The following ADAM17 variants were observed in gnomAD, a reference collection of about 807,000 sequenced individuals.
The protein encoded by ADAM17 is disintegrin and metalloproteinase domain-containing protein 17.
Under a neutral mutation model 96.7 loss-of-function variants are expected in ADAM17, and 39 were observed. The observed-to-expected ratio is 0.40, with a 90% CI of 0.31 to 0.53. The LOEUF (loss-of-function observed/expected upper bound fraction) is 0.53. Among genes scored for constraint, ADAM17 ranks in the 20% least tolerant of loss-of-function variants. ADAM17 has a pLI of 0.44. For missense variants in ADAM17, 777 were observed against 1,013.2 expected (o/e 0.77, Z 3.17); for synonymous variants, 344 against 359.2 (o/e 0.96, Z 0.48).
rs111674537 is a variant in ADAM17, at chr2:9,552,954, T to C, written c.97+2555A>G. 2.1e-3 allele frequency among the ~76,000 whole-genome samples: 318 copies of C among 152,184 alleles called. 2 individuals are homozygous for C. Among genetic ancestry groups the C allele is most frequent in the African/African-American group, 7.1e-3 (294 of 41,542 alleles). ...AGTAGTATTTGTAGGACAATAAACA[T>C]AAAAAATAAATAATAAAGCATGTTT... is the stretch of plus-strand genomic sequence containing the variant. On this transcript the variant is annotated intron_variant, in intron 1 of 18. Coordinates refer to ENST00000310823, the MANE Select transcript of ADAM17 (RefSeq NM_003183.6).
chr2:9,539,707 T>C (rs1194161254), intron 2 of ADAM17, among the ~76,000 whole-genome samples: 1 of 152,238 alleles, frequency 6.6e-6, no homozygotes, highest in Non-Finnish European at 1.5e-5. Context: ...TCTTTGTTTT[T>C]GTTCTTGTTT....
chr2:9,508,938 G>T (rs1237990776), intron 11 of ADAM17, among the ~76,000 whole-genome samples: 1 of 151,974 alleles, frequency 6.6e-6, no homozygotes, highest in Non-Finnish European at 1.5e-5. Flanking sequence ...CAGAGGAACT[G>T]TTTACACATA....
Position 9,548,334 on chromosome 2 carries a change from C to T in ADAM17, c.98-5049G>A, listed in dbSNP as rs541481344. Among the ~76,000 whole-genome samples, 13 of 151,898 alleles carry T rather than the reference C, an allele frequency of 8.6e-5. 1 individual carries two copies. The highest frequency in any genetic ancestry group is 6.3e-4 in the South Asian group (3 of 4,800). On this transcript the variant is annotated intron_variant, in intron 1 of 18. Transcript: ENST00000310823. ...GTGACAGAGTGAGACTCCATCCCCCCCAAAAAAGAAAGAAATTTCATTATG... is the reference window on the plus strand; with the variant it reads ...GTGACAGAGTGAGACTCCATCCCCCTCAAAAAAGAAAGAAATTTCATTATG...
chr2:9,493,342 C>CA (rs967412393), intron 16 of ADAM17, among the ~76,000 whole-genome samples: 10 of 152,200 alleles, frequency 6.6e-5, no homozygotes, highest in African/African-American at 2.2e-4. Flanking sequence ...GGACTCGTGA[C>CA]AACATGATAT....
At chr2:9,514,568 T>TAA (rs1438303218) in intron 10 of ADAM17, among the ~76,000 whole-genome samples, 55 of 100,550 alleles carry the variant, frequency 5.5e-4, no homozygotes, top group Non-Finnish European at 9.1e-4. Flanking sequence ...TATATATATA[T>TAA]AAATAAAAAG....
intron 18 of ADAM17, 47 bp from the exon 19 acceptor site, chr2:9,490,565 C>T (rs757617504): frequency 2.5e-5 from 39 of 1,532,968 alleles, no homozygotes; most frequent in African/African-American, 4.1e-5. Context: ...AAAGATGAAT[C>T]GGAGGTCCTC....
At chr2:9,513,360 C>G (rs1340063212) in intron 10 of ADAM17, among the ~76,000 whole-genome samples, 2 of 152,186 alleles carry the variant, frequency 1.3e-5, no homozygotes, top group Non-Finnish European at 2.9e-5. Flanking sequence ...TCCCTGAGTT[C>G]TGTGAGCCAC....
rs570109532 is a variant in ADAM17 at position 9,501,045 on chromosome 2, A to G, written c.1648+1128T>C. On this transcript the variant is annotated intron_variant, in intron 13 of 18. Coordinates refer to ENST00000310823, the MANE Select transcript of ADAM17 (RefSeq NM_003183.6). ...TACGTTAAAGATTTCTGTTCTGAGA[A>G]TGGCAACAGATAGGAGACGTATGCC... Among the ~76,000 whole-genome samples the G allele has an allele frequency of 2.8e-5, 4 of 144,368 alleles. No individual in the cohort carries two copies. The South Asian group carries it at 6.6e-4, about 24-fold the overall frequency. 94.7% of individuals were successfully genotyped at this position (144,368 alleles called of 152,430 possible).
chr2:9,544,684 G>C (rs1221628144), intron 1 of ADAM17, among the ~76,000 whole-genome samples: 3 of 152,088 alleles, frequency 2.0e-5, no homozygotes, highest in African/African-American at 4.8e-5. Context: ...AAATTAGCCA[G>C]GCGTGGTGGC....
chr2:9,510,138 G>A lies in ADAM17; in HGVS notation c.1192-7C>T, dbSNP rs1572913796. On this transcript the variant is annotated splice_region_variant and splice_polypyrimidine_tract_variant and intron_variant, in intron 10 of 18. Coordinates refer to ENST00000310823, the MANE Select transcript of ADAM17 (RefSeq NM_003183.6). ...TTGTAACCAGGTCAGCTTCCTTAAG[G>A]ATCATGCAAAGAAAACATTATTTCT... 6.2e-7 allele frequency: 1 copy of A among 1,613,834 alleles called. No individual in the cohort carries two copies. Among genetic ancestry groups the A allele is most frequent in the South Asian group, 1.1e-5 (1 of 91,056 alleles).
chr2:9,509,888 C>A, intron 11 of ADAM17, 91 bp downstream of exon 11: 1 of 1,510,002 alleles, frequency 6.6e-7, no homozygotes. Flanking sequence ...AGGGAAACGC[C>A]TAGGAATGGA....
At chr2:9,494,987 C>G (rs1031126040) in intron 14 of ADAM17, 8 of 412,564 alleles carry the variant, frequency 1.9e-5, no homozygotes, top group Middle Eastern at 7.1e-4. Context: ...AAAAAAAATG[C>G]AGAGAAAAAT....
intron 6 of ADAM17, among the ~76,000 whole-genome samples, chr2:9,524,881 T>C (rs1406025980): frequency 3.3e-5 from 5 of 152,202 alleles, no homozygotes; most frequent in Admixed American, 2.0e-4. Flanking sequence ...AAGAGAATAT[T>C]CTACTGTTCA....
chr2:9,522,841 A>C (rs1664367687), intron 7 of ADAM17, among the ~76,000 whole-genome samples: 1 of 152,188 alleles, frequency 6.6e-6, no homozygotes, highest in Non-Finnish European at 1.5e-5. Context: ...AAAGAACCTA[A>C]AGGTTCTGTA....
At chr2:9,537,263 T>A (rs917717915) in intron 2 of ADAM17, among the ~76,000 whole-genome samples, 26 of 152,128 alleles carry the variant, frequency 1.7e-4, no homozygotes, top group Non-Finnish European at 1.3e-4. Flanking sequence ...AAGTACAAAT[T>A]GAGGCTTGGA....
In ADAM17 at chr2:9,521,183, T is replaced by C; in HGVS notation, c.957+20A>G. On this transcript the variant is annotated intron_variant, in intron 8 of 18. Coordinates refer to ENST00000310823, the MANE Select transcript of ADAM17 (RefSeq NM_003183.6). ...ATGACAAAGTGGTGTTAGCACCATA[T>C]CCAGGATTCTAAGACCTACCTCTAG... The C allele has an allele frequency of 1.3e-6, 2 of 1,513,192 alleles. No individual in the cohort carries two copies. The highest frequency in any genetic ancestry group is 1.8e-6 in the Non-Finnish European group (2 of 1,089,056). 93.7% of individuals were successfully genotyped at this position (1,513,192 alleles called of 1,614,324 possible).
At chr2:9,514,518 A>AT (rs1663932935) in intron 10 of ADAM17, among the ~76,000 whole-genome samples, 16 of 89,882 alleles carry the variant, frequency 1.8e-4, no homozygotes, top group East Asian at 1.1e-3. Flanking sequence ...TTAAAATATA[A>AT]ATATATATAT....
At chr2:9,490,584 A>C in intron 18 of ADAM17, 66 bp from the exon 19 acceptor site, 2 of 1,444,300 alleles carry the variant, frequency 1.4e-6, no homozygotes, top group Non-Finnish European at 9.3e-7. Flanking sequence ...TCACAGCTCC[A>C]CCCTTACCCA....
intron 11 of ADAM17, among the ~76,000 whole-genome samples, chr2:9,509,722 T>G (rs1240403074): frequency 6.6e-6 from 1 of 152,136 alleles, no homozygotes; most frequent in Admixed American, 6.5e-5. Flanking sequence ...AAAAAAGCCA[T>G]TATTATTAGT....
Sources: gnomAD v4.1 joint callset for allele counts (sites outside exome capture counted in the v4.1 genomes callset) on GRCh38, gnomAD v4.1.1 for gene constraint, MANE v1.5 for transcripts, NCBI Gene and HGNC (gene_info 2026-07-23, HGNC 2026-07-21) for gene names.